PARD3B: variants seen among roughly 807,000 people sequenced by gnomAD.
PARD3B encodes par-3 family cell polarity regulator beta.
A neutral mutation model predicts 130.2 loss-of-function variants in PARD3B; 103 were observed. That is an observed-to-expected ratio of 0.79 (90% CI 0.67 to 0.93). The LOEUF (loss-of-function observed/expected upper bound fraction) is 0.93, where lower values mean the gene tolerates loss of function less well. Among genes scored for constraint, PARD3B ranks in the 40% least tolerant of loss-of-function variants. PARD3B has a pLI of 0.00. For synonymous variants in PARD3B, 583 were observed against 553.2 expected (o/e 1.05, Z -0.76); for missense variants, 1,609 against 1,499.2 (o/e 1.07, Z -1.21).
At chr2:205,482,261 G>A (rs1290260250) in intron 20 of PARD3B, among the ~76,000 whole-genome samples, 3 of 152,148 alleles carry the variant, frequency 2.0e-5, no homozygotes, top group Non-Finnish European at 4.4e-5. Context: ...CAGACAATTA[G>A]ATTGGAGCAG....
intron 16 of PARD3B, among the ~76,000 whole-genome samples, chr2:205,252,853 C>CCCCAAAAA (rs2039916027): frequency 1.2e-5 from 1 of 80,456 alleles, no homozygotes; most frequent in Non-Finnish European, 2.4e-5. Context: ...CCCCCCCCAC[C>CCCCAAAAA]AAAAAAAAAA....
intron 2 of PARD3B, among the ~76,000 whole-genome samples, chr2:204,935,142 C>G (rs1362664144): frequency 1.5e-5 from 2 of 130,374 alleles, no homozygotes; most frequent in Admixed American, 7.7e-5. Flanking sequence ...TCTTGTTTTC[C>G]CTACTTTTTT....
chr2:205,103,675 T>C, intron 4 of PARD3B: 5 of 982,974 alleles, frequency 5.1e-6, no homozygotes, highest in Non-Finnish European at 6.0e-6. Context: ...CAGGATTCCC[T>C]GTTAGGGAAC....
chr2:204,583,601 T>C (rs1463701762), intron 1 of PARD3B, among the ~76,000 whole-genome samples: 2 of 123,702 alleles, frequency 1.6e-5, no homozygotes, highest in Non-Finnish European at 3.2e-5. Flanking sequence ...AATGTGCACA[T>C]GTACCCTAAA....
chr2:205,438,124 A>C (rs1559093501), intron 19 of PARD3B, among the ~76,000 whole-genome samples: 1 of 152,214 alleles, frequency 6.6e-6, no homozygotes, highest in Non-Finnish European at 1.5e-5. Flanking sequence ...TGAATGATTA[A>C]TATGAAATTA....
chr2:205,473,664 G>A lies in PARD3B; in HGVS notation c.3045-26232G>A, dbSNP rs988483742. ...TATAAGGTTATATATATGTGTGTGT[G>A]TGTGTGTGTGTGTGTGTATGTATAT... On this transcript the variant is annotated intron_variant, in intron 20 of 22. Coordinates refer to ENST00000406610, the MANE Select transcript of PARD3B (RefSeq NM_001302769.2). The surrounding 1 kb of genome is among the most constrained non-coding windows in gnomAD (Gnocchi z 4.9). 2.0e-5 allele frequency among the ~76,000 whole-genome samples: 2 copies of A among 99,452 alleles called. No individual in the cohort carries two copies. Among genetic ancestry groups the A allele is most frequent in the African/African-American group, 1.1e-4 (2 of 17,508 alleles). 65.2% of individuals were successfully genotyped at this position (99,452 alleles called of 152,430 possible).
chr2:205,078,746 T>A lies in PARD3B; in HGVS notation c.505-25680T>A, dbSNP rs1221630860. Among the ~76,000 whole-genome samples the A allele has an allele frequency of 1.3e-5, 2 of 152,198 alleles. No individual in the cohort carries two copies. Among genetic ancestry groups the A allele is most frequent in the Admixed American group, 6.5e-5 (1 of 15,280 alleles). On this transcript the variant is annotated intron_variant, in intron 4 of 22. Transcript: ENST00000406610. This position sits in a 1 kb window ranked among gnomAD's most constrained non-coding sequence, Gnocchi z 4.0. ...ACATTGTGTGACTTCTGAGACTAGT[T>A]CAGAAAAGGCTATACCTGTGGCTTC...
Position 205,121,141 on chromosome 2 carries a change from T to A in PARD3B, c.807-450T>A, listed in dbSNP as rs1271642006. 6.6e-6 allele frequency among the ~76,000 whole-genome samples: 1 copy of A among 152,216 alleles called. No homozygotes were observed. The highest frequency in any genetic ancestry group is 1.5e-5 in the Non-Finnish European group (1 of 68,032). ...AACCCATGTTAGAGAAGATCTGTAC[T>A]TTAGAAGGATGTCCTAAAAGAAACC... On this transcript the variant is annotated intron_variant, in intron 7 of 22. Transcript: ENST00000406610. This position sits in a 1 kb window ranked among gnomAD's most constrained non-coding sequence, Gnocchi z 5.0.
intron 10 of PARD3B, among the ~76,000 whole-genome samples, chr2:205,141,240 C>T (rs373346640): frequency 1.3e-5 from 2 of 152,082 alleles, no homozygotes; most frequent in African/African-American, 2.4e-5. Context: ...TTACTTTGTG[C>T]TTGCTTACAA....
At chr2:205,249,300 A>G (rs2039734163) in intron 16 of PARD3B, among the ~76,000 whole-genome samples, 1 of 151,810 alleles carries the variant, frequency 6.6e-6, no homozygotes, top group African/African-American at 2.4e-5. Context: ...ATTAAATTGT[A>G]TATACTGACC....
rs567500565 is a variant in PARD3B at position 204,706,171 on chromosome 2, T to C, written c.222+19889T>C. ...TCATGAGGTCAGGAGATCGAGACCA[T>C]GCTGGCTAACACAGTGAAACGCTGT... On this transcript the variant is annotated intron_variant, in intron 2 of 22. Coordinates refer to ENST00000406610, the MANE Select transcript of PARD3B (RefSeq NM_001302769.2). Among the ~76,000 whole-genome samples the C allele has an allele frequency of 2.0e-5, 3 of 152,094 alleles. No individual in the cohort carries two copies. In the South Asian group the frequency reaches 6.2e-4, roughly 32 times the overall value.
intron 3 of PARD3B, among the ~76,000 whole-genome samples, chr2:205,033,222 ATATT>A (rs1559371761): frequency 6.6e-6 from 1 of 152,190 alleles, no homozygotes; most frequent in Non-Finnish European, 1.5e-5. Flanking sequence ...CACTGGATAT[ATATT>A]AAGATTCACT....
At chr2:205,322,007 A>C (rs1472800761) in intron 18 of PARD3B, among the ~76,000 whole-genome samples, 1 of 152,204 alleles carries the variant, frequency 6.6e-6, no homozygotes, top group Non-Finnish European at 1.5e-5. Context: ...GTGCTGCAGA[A>C]GGATCCTTAG....
At chr2:204,718,005 T>A (rs575760426) in intron 2 of PARD3B, among the ~76,000 whole-genome samples, 1 of 152,300 alleles carries the variant, frequency 6.6e-6, no homozygotes, top group East Asian at 1.9e-4. Flanking sequence ...AATGTTCCAA[T>A]TATGGCTCTT....
chr2:205,322,427 G>T (rs1479104499), intron 18 of PARD3B, among the ~76,000 whole-genome samples: 1 of 152,056 alleles, frequency 6.6e-6, no homozygotes, highest in Non-Finnish European at 1.5e-5. Context: ...GAGGGTGTTG[G>T]GATGCATATC....
intron 1 of PARD3B, among the ~76,000 whole-genome samples, chr2:204,586,770 A>G (rs940186892): frequency 6.6e-6 from 1 of 152,164 alleles, no homozygotes; most frequent in Admixed American, 6.6e-5. Flanking sequence ...ACTATTTGGG[A>G]GATCCTATAT....
intron 15 of PARD3B, among the ~76,000 whole-genome samples, chr2:205,223,446 C>T (rs1172047461): frequency 3.9e-5 from 6 of 152,128 alleles, no homozygotes; most frequent in African/African-American, 1.4e-4. Context: ...TAACAAAAGC[C>T]ATAGGTCCAG....
intron 2 of PARD3B, among the ~76,000 whole-genome samples, chr2:204,877,210 A>G (rs2045879729): frequency 6.6e-6 from 1 of 152,102 alleles, no homozygotes; most frequent in Non-Finnish European, 1.5e-5. Context: ...ACTTGGACAC[A>G]GGAAGGAAGG....
intron 2 of PARD3B, among the ~76,000 whole-genome samples, chr2:204,773,191 G>C (rs749416347): frequency 2.0e-5 from 3 of 151,676 alleles, no homozygotes; most frequent in Non-Finnish European, 4.4e-5. Context: ...ATATATCAGT[G>C]CTGGCTTCTA....
Sources: allele counts gnomAD v4.1 joint callset (sites outside exome capture counted in the v4.1 genomes callset), GRCh38; gene constraint gnomAD v4.1.1; non-coding constraint Gnocchi (gnomAD v3.1); transcripts MANE v1.5; gene names NCBI Gene and HGNC (gene_info 2026-07-23, HGNC 2026-07-21).